The following EFHC2 variants were observed in gnomAD, a reference collection of about 807,000 sequenced individuals.
The protein encoded by EFHC2 is EF-hand domain containing 2.
A neutral mutation model predicts 52.7 loss-of-function variants in EFHC2; 18 were observed. The observed-to-expected ratio is 0.34, with a 90% confidence interval of 0.24 to 0.51. The LOEUF is 0.51. EFHC2 is among the 20% of genes least tolerant of loss of function. EFHC2 has a pLI of 0.97. For missense variants in EFHC2, 513 were observed against 562.5 expected (o/e 0.91, Z 0.89); for synonymous variants, 203 against 204.1 (o/e 0.99, Z 0.04).
rs779516860 is a variant in EFHC2 at position 44,176,297 on chromosome X, C to A, written c.2037G>T (p.Leu679Phe). ...PLSDDLLESLLSRFEDSEKQI... is the reference protein window; with the variant it reads ...PLSDDLLESLFSRFEDSEKQI... Reference sequence around the variant, plus strand: ...AGAGTGGAACTCTAACTTACCTTGACAATAAGGATTCTAGAAGATCATCAC... The same window carrying A: ...AGAGTGGAACTCTAACTTACCTTGAAAATAAGGATTCTAGAAGATCATCAC... Residue 679 changes from leucine to phenylalanine, a missense_variant, in exon 13 of 15, where the codon TTG becomes TTT. Physicochemically the swap from Leu to Phe is conservative, Grantham distance 22. Coordinates refer to ENST00000420999, the MANE Select transcript of EFHC2 (RefSeq NM_025184.4). 2.5e-6 allele frequency: 3 copies of A among 1,194,334 alleles called. No homozygotes were observed. Among genetic ancestry groups the A allele is most frequent in the Non-Finnish European group, 2.3e-6 (2 of 884,717 alleles).
At chrX:44,176,932 G>T (rs1055559108) in intron 12 of EFHC2, among the ~76,000 whole-genome samples, 1 of 112,164 alleles carries the variant, frequency 8.9e-6, no homozygotes, top group African/African-American at 3.2e-5. Context: ...GTCTTATGGG[G>T]GCAAAGACAT....
chrX:44,260,940 A>C lies in EFHC2; in HGVS notation c.606+135T>G, dbSNP rs191812184. ...ACACTCAGCCTTCCCTCTAGCCCAAAGAAGAACAAAACTGGAATAACTATG... is the reference window on the plus strand; with the variant it reads ...ACACTCAGCCTTCCCTCTAGCCCAACGAAGAACAAAACTGGAATAACTATG... On this transcript the variant is annotated intron_variant, in intron 4 of 14. Transcript: ENST00000420999. The C allele has an allele frequency of 2.1e-4, 118 of 549,094 alleles. No individual in the cohort carries two copies. The African/African-American group carries it at 2.5e-3, about 12-fold the overall frequency. The allele number at this position is 549,094 out of a possible 1,213,427, so 45.3% of individuals were successfully genotyped here.
intron 11 of EFHC2, among the ~76,000 whole-genome samples, chrX:44,212,759 T>A (rs887918137): frequency 9.0e-6 from 1 of 111,238 alleles, no homozygotes; most frequent in East Asian, 2.8e-4. Flanking sequence ...TCACCCAGGC[T>A]GGAGTGCAGT....
chrX:44,316,257 A>G (rs767006125), intron 1 of EFHC2, among the ~76,000 whole-genome samples: 7 of 111,864 alleles, frequency 6.3e-5, no homozygotes, highest in Non-Finnish European at 1.1e-4. Flanking sequence ...GTCAGGCTAT[A>G]CTTCTACACA....
chrX:44,264,464 C>T (rs979306655), intron 3 of EFHC2, among the ~76,000 whole-genome samples: 2 of 112,000 alleles, frequency 1.8e-5, no homozygotes, highest in South Asian at 7.5e-4. Context: ...CTCAAGCCCC[C>T]CAACTCTTCC....
chrX:44,226,936 GGAGAA>G lies in EFHC2; in HGVS notation c.1751+2708_1751+2712del, dbSNP rs1298387106. ...AAAGAAGAAGGAAGGAAGGAAGGAAGGAGAAGAGAAAAGAGAGAAGGTAGAACACA... is the reference window on the plus strand; with the variant it reads ...AAAGAAGAAGGAAGGAAGGAAGGAAGGAGAAAAGAGAGAAGGTAGAACACA... On this transcript the variant is annotated intron_variant, in intron 11 of 14. Coordinates refer to ENST00000420999, the MANE Select transcript of EFHC2 (RefSeq NM_025184.4). Among the ~76,000 whole-genome samples the G allele has an allele frequency of 4.8e-5, 5 of 103,913 alleles. No individual in the cohort carries two copies. In the South Asian group the frequency reaches 1.8e-3, roughly 38 times the overall value. The allele number at this position is 103,913 out of a possible 115,157, so 90.2% of individuals were successfully genotyped here.
intron 4 of EFHC2, among the ~76,000 whole-genome samples, chrX:44,252,000 CTCAT>C (rs1341963234): frequency 1.8e-5 from 2 of 111,939 alleles, no homozygotes; most frequent in African/African-American, 6.5e-5. Context: ...ATAATTCTTA[CTCAT>C]TCAAAGATTT....
intron 5 of EFHC2, 37 bp downstream of exon 5, chrX:44,250,157 C>T (rs2037431179): frequency 5.0e-6 from 6 of 1,188,216 alleles, no homozygotes; most frequent in East Asian, 3.0e-5. Flanking sequence ...TCTCTTGACC[C>T]ACAAGCAAAT....
At chrX:44,219,984 G>C (rs956954739) in intron 11 of EFHC2, among the ~76,000 whole-genome samples, 15 of 111,083 alleles carry the variant, frequency 1.4e-4, no homozygotes, top group African/African-American at 3.6e-4. Flanking sequence ...CTTTTCCCAG[G>C]CTTTTTGGTT....
chrX:44,282,094 C>T (rs1263413287), intron 2 of EFHC2, among the ~76,000 whole-genome samples: 1 of 109,879 alleles, frequency 9.1e-6, no homozygotes, highest in East Asian at 2.9e-4. Flanking sequence ...ACAGAAGAAA[C>T]TTGTATGTGC....
intron 1 of EFHC2, 122 bp downstream of exon 1, chrX:44,343,425 C>A: frequency 1.1e-6 from 1 of 925,202 alleles, no homozygotes; most frequent in Non-Finnish European, 1.5e-6. Context: ...TCCAAGTTGC[C>A]ACCAACCCAG....
chrX:44,323,514 T>C (rs1473825200), intron 1 of EFHC2, among the ~76,000 whole-genome samples: 1 of 111,781 alleles, frequency 8.9e-6, no homozygotes, highest in Non-Finnish European at 1.9e-5. Flanking sequence ...CACTGAAACA[T>C]GTTGAAGGAC....
chrX:44,173,209 G>A (rs2036759058), intron 13 of EFHC2, among the ~76,000 whole-genome samples: 1 of 112,110 alleles, frequency 8.9e-6, no homozygotes, highest in African/African-American at 3.2e-5. Flanking sequence ...TTACACGGCT[G>A]CTCAGCAGCT....
chrX:44,266,989 G>C (rs1046579695), intron 3 of EFHC2, among the ~76,000 whole-genome samples: 37 of 111,949 alleles, frequency 3.3e-4, no homozygotes, highest in African/African-American at 1.1e-3. Context: ...AAGAATCATA[G>C]GGAAGCCAGT....
rs1244611047 is a variant in EFHC2 at position 44,191,241 on chromosome X, AT to A, written c.1752-12678del. 6.4e-4 allele frequency among the ~76,000 whole-genome samples: 68 copies of A among 106,208 alleles called. 1 individual carries two copies. Among genetic ancestry groups the A allele is most frequent in the South Asian group, 1.2e-3 (3 of 2,436 alleles). The allele number at this position is 106,208 out of a possible 115,157, so 92.2% of individuals were successfully genotyped here. ...GTAAATCATTGTCTTGTTTTTATTA[AT>A]TTTTTTTTTTGAGACAGAGTTTTAC... On this transcript the variant is annotated intron_variant, in intron 11 of 14. Transcript: ENST00000420999.
At position 44,338,916 on chromosome X, in the gene EFHC2, C is replaced by T. The variant is rs183470146; in HGVS notation, c.42+4631G>A. Among the ~76,000 whole-genome samples, 7 of 111,721 alleles carry T rather than the reference C, an allele frequency of 6.3e-5. No individual in the cohort carries two copies. In the East Asian group the frequency reaches 1.1e-3, roughly 18 times the overall value. On this transcript the variant is annotated intron_variant, in intron 1 of 14. Coordinates refer to ENST00000420999, the MANE Select transcript of EFHC2 (RefSeq NM_025184.4). Reference sequence around the variant, plus strand: ...ATTAAAAGCAGAAAGAGCGGCCAGGCGCGGTGGCTCACGCCTGTAATCCCA... The same window carrying T: ...ATTAAAAGCAGAAAGAGCGGCCAGGTGCGGTGGCTCACGCCTGTAATCCCA...
intron 1 of EFHC2, among the ~76,000 whole-genome samples, chrX:44,315,895 A>G (rs1383751592): frequency 1.8e-5 from 2 of 111,609 alleles, no homozygotes; most frequent in Non-Finnish European, 3.8e-5. Context: ...AAGGAGGACT[A>G]TATCATGAAA....
intron 11 of EFHC2, among the ~76,000 whole-genome samples, chrX:44,186,649 G>A (rs2036876616): frequency 9.0e-6 from 1 of 111,365 alleles, no homozygotes; most frequent in Admixed American, 9.6e-5. Flanking sequence ...ACATGATGAA[G>A]GGTGCCTCCA....
At chrX:44,319,832 A>G (rs1046596344) in intron 1 of EFHC2, among the ~76,000 whole-genome samples, 25 of 112,798 alleles carry the variant, frequency 2.2e-4, no homozygotes, top group Non-Finnish European at 3.9e-4. Flanking sequence ...CATTTTTTAA[A>G]TTCCAAAGAC....
Sources: gnomAD v4.1 joint callset for allele counts (sites outside exome capture counted in the v4.1 genomes callset) on GRCh38, gnomAD v4.1.1 for gene constraint, MANE v1.5 for transcripts, NCBI Gene and HGNC (gene_info 2026-07-23, HGNC 2026-07-21) for gene names.